The following PTAFR variants were observed in gnomAD, a reference collection of about 807,000 sequenced individuals.
PTAFR encodes platelet activating factor receptor.
A neutral mutation model predicts 14.7 loss-of-function variants in PTAFR; 8 were observed. That is an observed-to-expected ratio of 0.54 (90% confidence interval 0.32 to 0.98). The LOEUF (loss-of-function observed/expected upper bound fraction) is 0.98, where lower values mean the gene tolerates loss of function less well. Among genes scored for constraint, PTAFR ranks in the 50% least tolerant of loss-of-function variants. The pLI is 0.04. For synonymous variants in PTAFR, 156 were observed against 176.5 expected (o/e 0.88, Z 0.92); for missense variants, 337 against 451.2 (o/e 0.75, Z 2.29).
intron 1 of PTAFR, among the ~76,000 whole-genome samples, chr1:28,153,575 T>C (rs1281190047): frequency 8.7e-6 from 1 of 115,006 alleles, no homozygotes; most frequent in Non-Finnish European, 1.7e-5. Flanking sequence ...TGAAACCCTG[T>C]CTCTACAAAA....
chr1:28,183,546 C>A (rs573157665), intron 1 of PTAFR, among the ~76,000 whole-genome samples: 61 of 152,266 alleles, frequency 4.0e-4, no homozygotes, highest in African/African-American at 1.4e-3. Flanking sequence ...GAGGATCACT[C>A]GAGCCCAGCA....
chr1:28,168,021 C>T (rs1410823053), intron 1 of PTAFR, among the ~76,000 whole-genome samples: 1 of 128,958 alleles, frequency 7.8e-6, no homozygotes, highest in Non-Finnish European at 1.6e-5. Context: ...TGCAGTGGCG[C>T]AATCTCGGCT....
At chr1:28,163,811 T>A (rs1276541100) in intron 1 of PTAFR, among the ~76,000 whole-genome samples, 1 of 152,158 alleles carries the variant, frequency 6.6e-6, no homozygotes, top group African/African-American at 2.4e-5. Flanking sequence ...CAGCTCCAGA[T>A]AGAGCCTCCA....
intron 1 of PTAFR, among the ~76,000 whole-genome samples, chr1:28,184,100 T>G (rs75204384): frequency 1.4e-5 from 2 of 138,176 alleles, no homozygotes; most frequent in East Asian, 2.7e-4. Flanking sequence ...TTTTTTTTTT[T>G]TTTTTTTTTT....
chr1:28,153,471 C>T (rs192864231), intron 1 of PTAFR, among the ~76,000 whole-genome samples: 2 of 149,728 alleles, frequency 1.3e-5, no homozygotes, highest in Admixed American at 1.3e-4. Flanking sequence ...GTAGGCCAGG[C>T]GTGGTGGCTC....
intron 1 of PTAFR, among the ~76,000 whole-genome samples, chr1:28,175,313 C>A (rs1180266254): frequency 6.6e-6 from 1 of 152,040 alleles, no homozygotes; most frequent in Admixed American, 6.6e-5. Context: ...GATCGAAACC[C>A]CGGATGCCCA....
At chr1:28,177,324 A>T (rs1026776841), upstream of PTAFR, 1 of 152,430 alleles carries the variant, frequency 6.6e-6, no homozygotes, top group East Asian at 1.9e-4. Flanking sequence ...CACTGTGGTC[A>T]GGGGCATGAC....
intron 1 of PTAFR, among the ~76,000 whole-genome samples, chr1:28,154,951 A>C (rs1008914508): frequency 6.6e-6 from 1 of 151,942 alleles, no homozygotes; most frequent in Non-Finnish European, 1.5e-5. Context: ...CAGGCAGAGA[A>C]CTCTGCATGG....
Position 28,149,872 on chromosome 1 carries a change from A to C in PTAFR, c.*121T>G. On this transcript the variant is annotated 3_prime_UTR_variant, in exon 2 of 2. Transcript: ENST00000373857. ...TCCCTGCCCAGGTGAGGTAGCCTCC[A>C]AATCTAATGGCCCACCAGTGCCCAC... 6 of 1,348,714 alleles carry C rather than the reference A, an allele frequency of 4.4e-6. 1 individual carries two copies. The South Asian group carries it at 8.6e-5, about 19-fold the overall frequency. The allele number at this position is 1,348,714 out of a possible 1,614,324, so 83.5% of individuals were successfully genotyped here.
chr1:28,159,741 G>A (rs1161056683), intron 1 of PTAFR, among the ~76,000 whole-genome samples: 1 of 151,706 alleles, frequency 6.6e-6, no homozygotes, highest in Non-Finnish European at 1.5e-5. Flanking sequence ...CAGGAGAATC[G>A]CTTGAACCCA....
chr1:28,160,425 G>C lies in PTAFR; in HGVS notation c.-38-9366C>G, dbSNP rs566127892. On this transcript the variant is annotated intron_variant, in intron 1 of 1. Transcript: ENST00000373857. ...AAAAAAAAAAATTCCAGGAAGACCA[G>C]GTGTGGTGGCTCATGCCTGTAATAC... 6.0e-5 allele frequency among the ~76,000 whole-genome samples: 9 copies of C among 150,922 alleles called. No homozygotes were observed. The East Asian group carries it at 1.8e-3, about 29-fold the overall frequency.
upstream of PTAFR, among the ~76,000 whole-genome samples, chr1:28,179,853 C>A (rs1382207334): frequency 6.6e-6 from 1 of 151,920 alleles, no homozygotes; most frequent in East Asian, 1.9e-4. Flanking sequence ...AAATTTGAAT[C>A]TAATCAAGCC....
chr1:28,150,553 A>ACT lies in PTAFR; in HGVS notation c.468_469insAG (p.Thr158ProfsTer132). On this transcript the variant is annotated frameshift_variant, in exon 2 of 2. Coordinates refer to ENST00000373857, the MANE Select transcript of PTAFR (RefSeq NM_000952.5). LOFTEE classifies it high-confidence loss of function. The surrounding 1 kb of genome is among the most constrained non-coding windows in gnomAD (Gnocchi z 6.3). Reference sequence around the variant, plus strand: ...GCACTGTCGGGCACTGTGTTGGTGGAGTCCAGGATGAGGAAGTAGGATGCA... The same window carrying ACT: ...GCACTGTCGGGCACTGTGTTGGTGGACTGTCCAGGATGAGGAAGTAGGATGCA... 6.2e-7 allele frequency: 1 copy of ACT among 1,614,186 alleles called. No individual in the cohort carries two copies. Among genetic ancestry groups the ACT allele is most frequent in the Non-Finnish European group, 8.5e-7 (1 of 1,180,032 alleles).
At chr1:28,179,281 A>G (rs1305501396), upstream of PTAFR, among the ~76,000 whole-genome samples, 5 of 152,282 alleles carry the variant, frequency 3.3e-5, no homozygotes, top group Non-Finnish European at 1.5e-5. Flanking sequence ...CATTGCCCAG[A>G]GTCTCCAGGA....
chr1:28,164,356 G>A (rs186419733), intron 1 of PTAFR, among the ~76,000 whole-genome samples: 122 of 152,300 alleles, frequency 8.0e-4, no homozygotes, highest in African/African-American at 2.8e-3. Flanking sequence ...TTGCAGCCCC[G>A]CAGGCCTGAG....
chr1:28,153,887 C>CA (rs1240428050), intron 1 of PTAFR, among the ~76,000 whole-genome samples: 3 of 149,868 alleles, frequency 2.0e-5, no homozygotes, highest in South Asian at 4.2e-4. Flanking sequence ...GACTCTATCT[C>CA]AAAAAAAAGA....
At chr1:28,166,151 C>T (rs964385361) in intron 1 of PTAFR, among the ~76,000 whole-genome samples, 1 of 152,026 alleles carries the variant, frequency 6.6e-6, no homozygotes, top group Admixed American at 6.6e-5. Context: ...CAAAATAAAC[C>T]CTCACATACA....
intron 1 of PTAFR, among the ~76,000 whole-genome samples, chr1:28,190,488 G>C (rs957648285): frequency 2.6e-5 from 4 of 152,078 alleles, no homozygotes; most frequent in African/African-American, 9.7e-5. Flanking sequence ...TATTTATCTT[G>C]TATTCTATAA....
intron 1 of PTAFR, among the ~76,000 whole-genome samples, chr1:28,192,674 G>T (rs547168546): frequency 6.6e-6 from 1 of 151,504 alleles, no homozygotes; most frequent in South Asian, 2.1e-4. Context: ...TTAAGACAGA[G>T]TCTCGCTCTG....
Sources: gnomAD v4.1 joint callset for allele counts (sites outside exome capture counted in the v4.1 genomes callset) on GRCh38, gnomAD v4.1.1 for gene constraint, Gnocchi (gnomAD v3.1) non-coding constraint, MANE v1.5 for transcripts, NCBI Gene and HGNC (gene_info 2026-07-23, HGNC 2026-07-21) for gene names.